Variants in ENTREP2 observed in about 807,000 individuals in gnomAD.
ENTREP2 encodes the protein protein ENTREP2.
At chr15:29,474,753 C>A in the ENTREP2 span, among the ~76,000 whole-genome samples, 1 of 152,030 alleles carries the variant, frequency 6.6e-6, no homozygotes, top group Non-Finnish European at 1.5e-5. Flanking sequence ...CAGGGTTTCA[C>A]CATGTTGGCC....
the ENTREP2 span, among the ~76,000 whole-genome samples, chr15:29,124,983 C>T: frequency 6.6e-6 from 1 of 152,226 alleles, no homozygotes; most frequent in Admixed American, 6.5e-5. Context: ...TGACACAGTG[C>T]AATGGGCCAG....
the ENTREP2 span, among the ~76,000 whole-genome samples, chr15:29,153,431 G>C: frequency 6.6e-6 from 1 of 152,188 alleles, no homozygotes; most frequent in African/African-American, 2.4e-5. Flanking sequence ...GATGGCTAAT[G>C]TCTCACTGTG....
chr15:29,649,226 C>G, the ENTREP2 span, among the ~76,000 whole-genome samples: 1 of 151,958 alleles, frequency 6.6e-6, no homozygotes, highest in Admixed American at 6.6e-5. Flanking sequence ...TCAAAAGAGG[C>G]ATACAATTAA....
At chr15:29,205,714 A>G in the ENTREP2 span, among the ~76,000 whole-genome samples, 2 of 152,238 alleles carry the variant, frequency 1.3e-5, no homozygotes, top group African/African-American at 4.8e-5. Flanking sequence ...CATTCCGGAT[A>G]GTAACCTCTT....
chr15:29,378,135 A>G, the ENTREP2 span, among the ~76,000 whole-genome samples: 3 of 151,910 alleles, frequency 2.0e-5, no homozygotes, highest in Non-Finnish European at 2.9e-5. Context: ...GTCCTAGCTC[A>G]TTACTTAAGG....
the ENTREP2 span, among the ~76,000 whole-genome samples, chr15:29,542,551 A>T: frequency 2.1e-5 from 3 of 145,248 alleles, no homozygotes; most frequent in African/African-American, 7.7e-5. Flanking sequence ...TGATCCGCCC[A>T]CCTCGGCCTC....
At chr15:29,584,290 A>T in the ENTREP2 span, among the ~76,000 whole-genome samples, 1 of 152,228 alleles carries the variant, frequency 6.6e-6, no homozygotes, top group Non-Finnish European at 1.5e-5. Flanking sequence ...CAACAAAGGA[A>T]AGAAATGGCC....
At chr15:29,162,158 G>C in the ENTREP2 span, among the ~76,000 whole-genome samples, 1 of 152,318 alleles carries the variant, frequency 6.6e-6, no homozygotes, top group Non-Finnish European at 1.5e-5. Flanking sequence ...GAAAGGCCCT[G>C]GGAGCTCCCT....
chr15:29,460,414 T>G, the ENTREP2 span, among the ~76,000 whole-genome samples: 1 of 152,178 alleles, frequency 6.6e-6, no homozygotes, highest in South Asian at 2.1e-4. Flanking sequence ...GTGGATCACC[T>G]TGAGGTCAGG....
At chr15:29,387,651 T>G in the ENTREP2 span, among the ~76,000 whole-genome samples, 4 of 151,984 alleles carry the variant, frequency 2.6e-5, no homozygotes, top group East Asian at 7.7e-4. Context: ...AAAAAGAGCC[T>G]GCATTGCCAA....
At chr15:29,388,768 G>A in the ENTREP2 span, among the ~76,000 whole-genome samples, 1 of 152,022 alleles carries the variant, frequency 6.6e-6, no homozygotes, top group East Asian at 1.9e-4. Context: ...TATACAACAT[G>A]GAATACTATG....
chr15:29,273,805 T>C, the ENTREP2 span, among the ~76,000 whole-genome samples: 1 of 152,184 alleles, frequency 6.6e-6, no homozygotes, highest in Non-Finnish European at 1.5e-5. Context: ...CTCCAAGTTC[T>C]TCAGCTTTTG....
At chr15:29,548,198 T>C in the ENTREP2 span, among the ~76,000 whole-genome samples, 1 of 152,118 alleles carries the variant, frequency 6.6e-6, no homozygotes, top group African/African-American at 2.4e-5. Flanking sequence ...CTCACATCTG[T>C]AGTCCCAGTG....
chr15:29,249,637 A>G, the ENTREP2 span, among the ~76,000 whole-genome samples: 2 of 152,138 alleles, frequency 1.3e-5, no homozygotes, highest in African/African-American at 4.8e-5. Context: ...CATACCTTTT[A>G]TGTGTTGTAT....
chr15:29,294,897 G>A, the ENTREP2 span, among the ~76,000 whole-genome samples: 13 of 152,334 alleles, frequency 8.5e-5, no homozygotes, highest in Middle Eastern at 3.4e-3. Context: ...TCCCGAGGCT[G>A]GGACCCTGTG....
the ENTREP2 span, among the ~76,000 whole-genome samples, chr15:29,377,862 T>TAATAATAATAAA: frequency 1.3e-3 from 133 of 100,956 alleles, no homozygotes; most frequent in Non-Finnish European, 2.5e-3. Context: ...ATAATAATAA[T>TAATAATAATAAA]AAAAAAATGA....
chr15:29,118,682 C>T, the ENTREP2 span, among the ~76,000 whole-genome samples: 4 of 152,172 alleles, frequency 2.6e-5, no homozygotes, highest in East Asian at 7.7e-4. Flanking sequence ...TAAATGGCCC[C>T]TGGGAAAGGT....
the ENTREP2 span, among the ~76,000 whole-genome samples, chr15:29,175,940 G>A: frequency 4.1e-4 from 62 of 152,300 alleles, no homozygotes; most frequent in Non-Finnish European, 7.1e-4. Context: ...TCTGGGTCTT[G>A]ATCGTCCTCT....
chr15:29,566,214 C>T, the ENTREP2 span, among the ~76,000 whole-genome samples: 1 of 151,804 alleles, frequency 6.6e-6, no homozygotes, highest in Non-Finnish European at 1.5e-5. Flanking sequence ...GGCTGGAGTG[C>T]AGTGGCGCGA....
Sources: gnomAD v4.1 joint callset for allele counts (sites outside exome capture counted in the v4.1 genomes callset) on GRCh38, gnomAD v4.1.1 for gene constraint, MANE v1.5 for transcripts, NCBI Gene and HGNC (gene_info 2026-07-23, HGNC 2026-07-21) for gene names.